Variants in TMC5 observed in about 807,000 individuals in gnomAD.
TMC5 encodes transmembrane channel like 5.
A neutral mutation model predicts 110.5 loss-of-function variants in TMC5; 86 were observed. The observed-to-expected ratio is 0.78, with a 90% CI of 0.65 to 0.93. The LOEUF is 0.93. TMC5 is among the 40% of genes least tolerant of loss of function. The probability of loss-of-function intolerance (pLI) is 0.00; values close to 1 mark genes in which losing one functional copy is unlikely to be tolerated. For missense variants in TMC5, 1,144 were observed against 1,222.8 expected (o/e 0.94, Z 0.96); for synonymous variants, 455 against 439.5 (o/e 1.04, Z -0.44).
chr16:19,462,684 GA>G, intron 6 of TMC5: 1 of 555,144 alleles, frequency 1.8e-6, no homozygotes, highest in Non-Finnish European at 3.3e-6. Flanking sequence ...TGGATCACCT[GA>G]GGTCAGGAGT....
rs375149068 is a variant in TMC5 at position 19,472,292 on chromosome 16, G to T, written c.1938+49G>T. On this transcript the variant is annotated intron_variant, in intron 11 of 21. Transcript: ENST00000542583. Reference sequence around the variant, plus strand: ...CAGAGAGAACCAGGTGAAGGGATGAGATGCTGGAGGGGAAGGGTGGTGTGC... The same window carrying T: ...CAGAGAGAACCAGGTGAAGGGATGATATGCTGGAGGGGAAGGGTGGTGTGC... The T allele has an allele frequency of 2.0e-5, 32 of 1,598,996 alleles. No homozygotes were observed. In the African/African-American group the frequency reaches 3.7e-4, roughly 19 times the overall value.
chr16:19,450,851 T>C (rs550551810), intron 5 of TMC5, among the ~76,000 whole-genome samples: 1 of 152,258 alleles, frequency 6.6e-6, no homozygotes, highest in East Asian at 1.9e-4. Context: ...ATTATTATGA[T>C]AATGGAGTGT....
At chr16:19,471,328 T>C (rs958030256) in intron 10 of TMC5, among the ~76,000 whole-genome samples, 1 of 152,036 alleles carries the variant, frequency 6.6e-6, no homozygotes, top group African/African-American at 2.4e-5. Context: ...TGGGCTCAAG[T>C]GATCCTCCCA....
chr16:19,485,162 G>C (rs1306586867), intron 15 of TMC5, among the ~76,000 whole-genome samples: 1 of 142,790 alleles, frequency 7.0e-6, no homozygotes, highest in Non-Finnish European at 1.5e-5. Flanking sequence ...TGCCATGGTA[G>C]ATGATAACTG....
intron 4 of TMC5, among the ~76,000 whole-genome samples, chr16:19,444,476 G>T (rs1340112149): frequency 6.6e-6 from 1 of 152,096 alleles, no homozygotes; most frequent in East Asian, 1.9e-4. Flanking sequence ...GGAAAATGGG[G>T]ACCTGTGCAC....
chr16:19,415,001 T>C (rs1028066699), upstream of TMC5, among the ~76,000 whole-genome samples: 1 of 152,096 alleles, frequency 6.6e-6, no homozygotes, highest in Admixed American at 6.5e-5. Flanking sequence ...CAAGGCTCTA[T>C]CTCTAAAAAA....
chr16:19,422,672 A>T (rs184834600), intron 1 of TMC5, among the ~76,000 whole-genome samples: 1 of 152,068 alleles, frequency 6.6e-6, no homozygotes, highest in Non-Finnish European at 1.5e-5. Context: ...AAAAAAATTT[A>T]AAAATAGGCC....
chr16:19,467,110 C>T (rs1309021637), intron 9 of TMC5, among the ~76,000 whole-genome samples: 1 of 151,964 alleles, frequency 6.6e-6, no homozygotes, highest in African/African-American at 2.4e-5. Context: ...CAGTCTACTA[C>T]ACTCCAGCCT....
At chr16:19,429,046 C>T (rs1013413151) in intron 1 of TMC5, among the ~76,000 whole-genome samples, 1 of 152,106 alleles carries the variant, frequency 6.6e-6, no homozygotes, top group South Asian at 2.1e-4. Context: ...GGCTGGTCTC[C>T]AATTCCTGGC....
chr16:19,420,890 G>A (rs993707030), intron 1 of TMC5, among the ~76,000 whole-genome samples: 1 of 152,180 alleles, frequency 6.6e-6, no homozygotes, highest in Non-Finnish European at 1.5e-5. Flanking sequence ...GCAAAATAGT[G>A]GCTTTCCAAA....
chr16:19,482,468 TTCTGGCTTCTCTCCAGAAACA>T (rs1192535265), intron 15 of TMC5, among the ~76,000 whole-genome samples: 1 of 152,206 alleles, frequency 6.6e-6, no homozygotes, highest in Admixed American at 6.5e-5. Context: ...ACACCTAAAT[TTCTGGCTTCTCTCCAGAAACA>T]TCTGGCTTCT....
chr16:19,465,711 G>A (rs1490939393), intron 8 of TMC5, among the ~76,000 whole-genome samples: 2 of 152,140 alleles, frequency 1.3e-5, no homozygotes, highest in Non-Finnish European at 2.9e-5. Flanking sequence ...CCTGTGCACT[G>A]AAATGTAGGC....
intron 14 of TMC5, 51 bp from the exon 15 acceptor site, chr16:19,481,319 T>A: frequency 2.3e-6 from 3 of 1,289,856 alleles, no homozygotes; most frequent in Non-Finnish European, 3.4e-6. Flanking sequence ...TGGGGGATCT[T>A]CTGAAAGTGG....
upstream of TMC5, among the ~76,000 whole-genome samples, chr16:19,413,648 A>T (rs902794044): frequency 3.3e-4 from 50 of 151,226 alleles, no homozygotes; most frequent in Admixed American, 3.3e-4. Flanking sequence ...ACATCCTTTA[A>T]TATGGTACTT....
rs1233048818 is a variant in TMC5, at chr16:19,429,933, A to G, written c.-307-480A>G. Among the ~76,000 whole-genome samples, 4 of 151,788 alleles carry G rather than the reference A, an allele frequency of 2.6e-5. 1 individual carries two copies. The highest frequency in any genetic ancestry group is 5.9e-5 in the Non-Finnish European group (4 of 67,954). On this transcript the variant is annotated intron_variant, in intron 1 of 21. Coordinates refer to ENST00000542583, the MANE Select transcript of TMC5 (RefSeq NM_001261841.2). ...ACCCCAGTGAACTTATTTTAACTTG[A>G]TTACCTCCACCGAGATCCTACTTAG...
In TMC5 at chr16:19,440,053, C is replaced by T. The variant is rs1967444918; in HGVS notation, c.15C>T (p.Tyr5=). The T allele has an allele frequency of 2.5e-6, 4 of 1,613,320 alleles. No individual in the cohort carries two copies. The highest frequency in any genetic ancestry group is 2.7e-5 in the African/African-American group (2 of 75,002). The change falls in exon 3 of 22, where the codon TAC becomes TAT. Residue 5 remains tyrosine, a synonymous_variant. Transcript: ENST00000542583. ...TCCATACCAACATGTCTGCCTACTA[C>T]AGGAATAACTGGTCTGAGGAAGACC... MSAY[Y]RNNWSEEDPD...
chr16:19,480,958 G>A (rs190274793), intron 14 of TMC5, among the ~76,000 whole-genome samples: 26 of 151,922 alleles, frequency 1.7e-4, no homozygotes, highest in Non-Finnish European at 3.1e-4. Context: ...TAGAACACAG[G>A]GAAACATAAT....
chr16:19,449,943 T>A (rs1967712498), intron 5 of TMC5, among the ~76,000 whole-genome samples: 1 of 152,208 alleles, frequency 6.6e-6, no homozygotes. Flanking sequence ...TAAACCTCTT[T>A]TGTCTATAAA....
intron 1 of TMC5, among the ~76,000 whole-genome samples, chr16:19,412,758 A>G (rs1288584453): frequency 2.6e-5 from 4 of 152,228 alleles, no homozygotes; most frequent in Admixed American, 1.3e-4. Context: ...GCTACAGTAA[A>G]TGCTGTGACC....
Sources: allele counts gnomAD v4.1 joint callset (sites outside exome capture counted in the v4.1 genomes callset), GRCh38; gene constraint gnomAD v4.1.1; transcripts MANE v1.5; gene names NCBI Gene and HGNC (gene_info 2026-07-23, HGNC 2026-07-21).